The following SV2C variants were observed in gnomAD, a reference collection of about 807,000 sequenced individuals.
The protein encoded by SV2C is synaptic vesicle glycoprotein 2C, also known as solute carrier family 22 member B3.
Under a neutral mutation model 79.7 loss-of-function variants are expected in SV2C, and 49 were observed. That is an observed-to-expected ratio of 0.61 (90% CI 0.49 to 0.78). The LOEUF (loss-of-function observed/expected upper bound fraction) is 0.78. Ranked by LOEUF, SV2C falls within the 30% of genes least tolerant of loss-of-function variation. The pLI, the probability that SV2C is intolerant of heterozygous loss-of-function variation, is 0.00. For missense variants in SV2C, 833 were observed against 912.9 expected (o/e 0.91, Z 1.13); for synonymous variants, 334 against 333.2 (o/e 1.00, Z -0.03).
chr5:76,174,662 C>T (rs140446999), intron 2 of SV2C, among the ~76,000 whole-genome samples: 1 of 152,352 alleles, frequency 6.6e-6, no homozygotes, highest in Admixed American at 6.5e-5. Flanking sequence ...TTCTTCTTTA[C>T]TGTAGCCATT....
At chr5:75,940,278 C>A in the SV2C span, among the ~76,000 whole-genome samples, 2 of 151,960 alleles carry the variant, frequency 1.3e-5, no homozygotes, top group Admixed American at 6.6e-5. Context: ...GTGGGAGGAT[C>A]ACTTGGGCAT....
Position 76,333,272 on chromosome 5 carries a change from G to A in SV2C, c.*7725G>A, listed in dbSNP as rs1272034892. 2 of 150,094 alleles carry A rather than the reference G, an allele frequency of 1.3e-5. No individual in the cohort carries two copies. The highest frequency in any genetic ancestry group is 3.8e-4 in the East Asian group (2 of 5,200). The allele number at this position is 150,094 out of a possible 1,614,324, so 9.3% of individuals were successfully genotyped here. A position where few individuals can be genotyped will look rare whatever the true frequency, so the allele number is the denominator to read the frequency against. On this transcript the variant is annotated 3_prime_UTR_variant, in exon 13 of 13. Transcript: ENST00000502798. ...ATGTCAGTCAGAAGAAAAAAGAAAT[G>A]TCTTTTTTAATATACACTTTCTTAG...
At chr5:75,910,886 C>A in the SV2C span, 1 of 1,009,418 alleles carries the variant, frequency 9.9e-7, no homozygotes. Flanking sequence ...GATGAGCAAA[C>A]TGCAGAAGCA....
At chr5:75,973,073 A>G in the SV2C span, among the ~76,000 whole-genome samples, 2 of 152,056 alleles carry the variant, frequency 1.3e-5, no homozygotes, top group African/African-American at 2.4e-5. Flanking sequence ...AACTATTGCA[A>G]GGACAAAAAA....
chr5:76,351,085 G>A (rs943157569), intron 12 of SV2C, among the ~76,000 whole-genome samples: 5 of 152,026 alleles, frequency 3.3e-5, no homozygotes, highest in African/African-American at 1.2e-4. Flanking sequence ...TCACTGGGTC[G>A]GTGCAACTTC....
At chr5:75,976,246 G>A in the SV2C span, among the ~76,000 whole-genome samples, 3 of 152,130 alleles carry the variant, frequency 2.0e-5, no homozygotes, top group African/African-American at 7.2e-5. Context: ...ATTTTTTAAA[G>A]AGATGTTTTC....
chr5:76,014,176 G>A, the SV2C span, among the ~76,000 whole-genome samples: 1 of 134,218 alleles, frequency 7.5e-6, no homozygotes, highest in Non-Finnish European at 1.6e-5. Context: ...AAGGAAGAAA[G>A]AAAGAAAGAA....
In SV2C at chr5:76,332,052, T is replaced by C. The variant is rs777860661; in HGVS notation, c.*6505T>C. ...AGATTCATTGGCTAGTGGAGGTAGA[T>C]GGTACTCTCCATGTCTGCAGAAGAT... On this transcript the variant is annotated 3_prime_UTR_variant, in exon 13 of 13. Coordinates refer to ENST00000502798, the MANE Select transcript of SV2C (RefSeq NM_014979.4). The C allele has an allele frequency of 1.3e-5, 2 of 152,222 alleles. No individual in the cohort carries two copies. Among genetic ancestry groups the C allele is most frequent in the Non-Finnish European group, 2.9e-5 (2 of 68,064 alleles). 9.4% of individuals were successfully genotyped at this position (152,222 alleles called of 1,614,324 possible). A position where few individuals can be genotyped will look rare whatever the true frequency, so the allele number is the denominator to read the frequency against.
At chr5:76,015,764 G>A in the SV2C span, among the ~76,000 whole-genome samples, 3 of 151,680 alleles carry the variant, frequency 2.0e-5, no homozygotes, top group Non-Finnish European at 4.4e-5. Flanking sequence ...TTTACCCTGC[G>A]GCAAAATCAT....
At chr5:76,292,500 G>A (rs1440146855) in intron 8 of SV2C, among the ~76,000 whole-genome samples, 2 of 152,284 alleles carry the variant, frequency 1.3e-5, no homozygotes, top group Admixed American at 1.3e-4. Flanking sequence ...TCAAAGCTGA[G>A]TGTGGTGCCA....
the SV2C span, among the ~76,000 whole-genome samples, chr5:75,860,077 C>G: frequency 1.3e-5 from 2 of 152,042 alleles, no homozygotes; most frequent in African/African-American, 4.8e-5. Context: ...CTCGGGGTAC[C>G]CACCAGGTGG....
the SV2C span, among the ~76,000 whole-genome samples, chr5:75,893,415 A>T: frequency 3.9e-5 from 6 of 152,234 alleles, no homozygotes; most frequent in East Asian, 9.7e-4. Flanking sequence ...TTTTGCAGCC[A>T]TAAAAAAGAA....
intron 4 of SV2C, chr5:76,281,034 C>T (rs1747176107): frequency 3.7e-6 from 2 of 540,932 alleles, no homozygotes; most frequent in Admixed American, 3.9e-5. Context: ...AGCCCAAGTT[C>T]TAAATCAGTC....
intron 1 of SV2C, among the ~76,000 whole-genome samples, chr5:76,099,223 C>T (rs1747659769): frequency 6.6e-6 from 1 of 152,066 alleles, no homozygotes; most frequent in African/African-American, 2.4e-5. Context: ...AAATTGGGTA[C>T]TACAAAATTT....
chr5:76,131,769 G>T lies in SV2C; in HGVS notation c.19G>T (p.Asp7Tyr). ...AGATAAGATGGAAGACTCTTACAAG[G>T]ATAGGACTTCACTGATGAAGGGTGC... MEDSYK[D>Y]RTSLMKGAKD... The change falls in exon 2 of 13, where the codon GAT (aspartate) becomes TAT (tyrosine). Residue 7 changes from aspartate (D) to tyrosine (Y), a missense_variant. Physicochemically the swap from Asp to Tyr is radical, Grantham distance 160. Transcript: ENST00000502798. 1 of 1,612,078 alleles carries T rather than the reference G, an allele frequency of 6.2e-7. No homozygotes were observed. The highest frequency in any genetic ancestry group is 8.5e-7 in the Non-Finnish European group (1 of 1,178,990).
chr5:76,190,968 C>T (rs34637655), intron 2 of SV2C, among the ~76,000 whole-genome samples: 24,095 of 151,800 alleles, frequency 0.16, 1,978 homozygotes, highest in African/African-American at 0.21. Flanking sequence ...ACCTCATGGA[C>T]ATTATCAATT....
At chr5:75,850,339 T>A in the SV2C span, among the ~76,000 whole-genome samples, 1 of 152,228 alleles carries the variant, frequency 6.6e-6, no homozygotes, top group Non-Finnish European at 1.5e-5. Flanking sequence ...TTTTCACTTC[T>A]GAGGCAAGTT....
chr5:75,901,305 A>T, the SV2C span, among the ~76,000 whole-genome samples: 1 of 152,180 alleles, frequency 6.6e-6, no homozygotes, highest in South Asian at 2.1e-4. Context: ...CTTCTAACAG[A>T]CAGGACCCTG....
chr5:76,078,398 C>T (rs6896716), upstream of SV2C, among the ~76,000 whole-genome samples: 14,306 of 152,134 alleles, frequency 0.094, 2,245 homozygotes, highest in African/African-American at 0.33. Flanking sequence ...GTTTCAGGAG[C>T]TGGATAGTGA....
Sources: gnomAD v4.1 joint callset for allele counts (sites outside exome capture counted in the v4.1 genomes callset) on GRCh38, gnomAD v4.1.1 for gene constraint, MANE v1.5 for transcripts, NCBI Gene and HGNC (gene_info 2026-07-23, HGNC 2026-07-21) for gene names.